Variants in SUPT3H observed in about 807,000 individuals in gnomAD.
SUPT3H encodes transcription initiation protein SPT3 homolog.
Under a neutral mutation model 44.3 loss-of-function variants are expected in SUPT3H, and 44 were observed. That is an observed-to-expected ratio of 0.99 (90% CI 0.78 to 1.28). The LOEUF (loss-of-function observed/expected upper bound fraction) is 1.28, where lower values mean the gene tolerates loss of function less well. Among genes scored for constraint, SUPT3H ranks in the 50% most tolerant of loss-of-function variants. The pLI, the probability that SUPT3H is intolerant of heterozygous loss-of-function variation, is 0.00. For synonymous variants in SUPT3H, 124 were observed against 125.6 expected, an observed-to-expected ratio of 0.99 and a Z score of 0.09; for missense variants, 380 against 387.1, an observed-to-expected ratio of 0.98 and a Z score of 0.15.
chr6:45,208,097 G>A (rs1763477297), intron 2 of SUPT3H, among the ~76,000 whole-genome samples: 3 of 152,332 alleles, frequency 2.0e-5, no homozygotes, highest in Non-Finnish European at 2.9e-5. Context: ...TGCTACTCCA[G>A]TGAATACAAG....
chr6:44,884,399 G>A (rs74460828), intron 10 of SUPT3H, among the ~76,000 whole-genome samples: 51,063 of 152,072 alleles, frequency 0.34, 9,538 homozygotes, highest in Admixed American at 0.42. Flanking sequence ...CTTTTACACC[G>A]TTGGTGGGAG....
At chr6:44,946,098 C>T (rs1384023785) in intron 9 of SUPT3H, among the ~76,000 whole-genome samples, 1 of 152,170 alleles carries the variant, frequency 6.6e-6, no homozygotes, top group Non-Finnish European at 1.5e-5. Flanking sequence ...GCCTAGATGA[C>T]AGCATATCCA....
In SUPT3H at chr6:44,944,477, C is replaced by T. The variant is rs190655365; in HGVS notation, c.801+8833G>A. Among the ~76,000 whole-genome samples, 503 of 151,684 alleles carry T rather than the reference C, an allele frequency of 3.3e-3. 4 individuals carry two copies. The highest frequency in any genetic ancestry group is 0.012 in the African/African-American group (483 of 41,406). Reference sequence around the variant, plus strand: ...TGGACTACAATTAAAAGATACAGATCGGGGGAGGGCACAGCAGCTCATGCC... The same window carrying T: ...TGGACTACAATTAAAAGATACAGATTGGGGGAGGGCACAGCAGCTCATGCC... On this transcript the variant is annotated intron_variant, in intron 9 of 10. Coordinates refer to ENST00000371459, the MANE Select transcript of SUPT3H (RefSeq NM_003599.4).
intron 11 of SUPT3H, among the ~76,000 whole-genome samples, chr6:44,812,630 A>G (rs1438148884): frequency 6.6e-6 from 1 of 152,236 alleles, no homozygotes; most frequent in East Asian, 1.9e-4. Context: ...GTAGGGGTAC[A>G]AATTATTTGA....
intron 2 of SUPT3H, among the ~76,000 whole-genome samples, chr6:45,297,835 T>C (rs1198519666): frequency 6.6e-6 from 1 of 152,220 alleles, no homozygotes; most frequent in Non-Finnish European, 1.5e-5. Flanking sequence ...ATTTACTGAA[T>C]GAACGATTCA....
chr6:45,121,698 G>A (rs1801696091), intron 2 of SUPT3H, among the ~76,000 whole-genome samples: 1 of 151,672 alleles, frequency 6.6e-6, no homozygotes, highest in Non-Finnish European at 1.5e-5. Context: ...TTTTTGAGAC[G>A]AAGATTCGCT....
At chr6:44,887,650 C>A (rs1037495546) in intron 10 of SUPT3H, among the ~76,000 whole-genome samples, 2 of 151,430 alleles carry the variant, frequency 1.3e-5, no homozygotes, top group African/African-American at 4.9e-5. Context: ...GCACTAAATG[C>A]CCACAAGAGA....
chr6:45,339,573 TAA>T (rs1015257011), intron 2 of SUPT3H, among the ~76,000 whole-genome samples: 1 of 152,006 alleles, frequency 6.6e-6, no homozygotes, highest in African/African-American at 2.4e-5. Flanking sequence ...ATAAGAAAAA[TAA>T]AGTTGTGTTT....
At chr6:44,986,147 C>T (rs374885985) in intron 6 of SUPT3H, among the ~76,000 whole-genome samples, 5 of 152,194 alleles carry the variant, frequency 3.3e-5, no homozygotes, top group South Asian at 2.1e-4. Flanking sequence ...TAACAAAACT[C>T]GAGAAGTTTC....
At chr6:45,365,385 C>T (rs1794960813) in intron 1 of SUPT3H, 84 bp from the exon 2 acceptor site, 2 of 881,102 alleles carry the variant, frequency 2.3e-6, no homozygotes, top group Non-Finnish European at 3.5e-6. Flanking sequence ...ATATAAATTA[C>T]TTCAAAAAGT....
At chr6:45,074,761 T>C (rs537568145) in intron 3 of SUPT3H, among the ~76,000 whole-genome samples, 1 of 152,160 alleles carries the variant, frequency 6.6e-6, no homozygotes, top group East Asian at 1.9e-4. Flanking sequence ...TGCAGAACTG[T>C]CAAAACTCCC....
chr6:45,067,612 T>A (rs60571029), intron 3 of SUPT3H, among the ~76,000 whole-genome samples: 1,747 of 149,544 alleles, frequency 0.012, 76 homozygotes, highest in East Asian at 0.089. Flanking sequence ...CAAACAAATT[T>A]ACAAGAAAAA....
At chr6:45,072,666 C>CA (rs947507815) in intron 3 of SUPT3H, among the ~76,000 whole-genome samples, 2 of 151,760 alleles carry the variant, frequency 1.3e-5, no homozygotes, top group Non-Finnish European at 1.5e-5. Context: ...AAAACAGCAG[C>CA]AAAAAAAATT....
At chr6:45,313,449 A>G (rs1413474995) in intron 2 of SUPT3H, among the ~76,000 whole-genome samples, 2 of 152,116 alleles carry the variant, frequency 1.3e-5, no homozygotes, top group Non-Finnish European at 2.9e-5. Flanking sequence ...TGAGAAATGA[A>G]ACAGGAGATA....
chr6:44,913,791 T>C (rs1017857566), intron 10 of SUPT3H, among the ~76,000 whole-genome samples: 1 of 152,192 alleles, frequency 6.6e-6, no homozygotes, highest in African/African-American at 2.4e-5. Context: ...TCTTCAAATT[T>C]TGTTTTCCAA....
At chr6:45,285,902 A>G (rs1779153450) in intron 2 of SUPT3H, among the ~76,000 whole-genome samples, 1 of 152,066 alleles carries the variant, frequency 6.6e-6, no homozygotes. Context: ...CAGAGGATAT[A>G]GACCAATGGA....
intron 3 of SUPT3H, among the ~76,000 whole-genome samples, chr6:45,025,590 TACAAC>T (rs764950391): frequency 6.6e-6 from 1 of 152,132 alleles, no homozygotes; most frequent in Non-Finnish European, 1.5e-5. Context: ...GTTTAAAATG[TACAAC>T]AGAATTGGCC....
intron 6 of SUPT3H, among the ~76,000 whole-genome samples, chr6:44,978,254 T>G (rs1363540086): frequency 2.0e-5 from 3 of 152,208 alleles, no homozygotes; most frequent in Non-Finnish European, 4.4e-5. Context: ...TGTGCTGAAC[T>G]GAGCCAGGTA....
chr6:44,942,233 T>A (rs1449161010), intron 9 of SUPT3H, among the ~76,000 whole-genome samples: 1 of 152,160 alleles, frequency 6.6e-6, no homozygotes, highest in Non-Finnish European at 1.5e-5. Context: ...TACCATAGTT[T>A]TAGCTACTGA....
Sources: gnomAD v4.1 joint callset for allele counts (sites outside exome capture counted in the v4.1 genomes callset) on GRCh38, gnomAD v4.1.1 for gene constraint, MANE v1.5 for transcripts, NCBI Gene and HGNC (gene_info 2026-07-23, HGNC 2026-07-21) for gene names.